The following PEX3 variants were observed in gnomAD, a reference collection of about 807,000 sequenced individuals.
The protein encoded by PEX3 is peroxin-3.
In PEX3, 30 loss-of-function variants were observed where a neutral mutation model predicts 55.8. That is an observed-to-expected ratio of 0.54 (90% CI 0.40 to 0.73). PEX3 has a LOEUF of 0.73. PEX3 is among the 30% of genes least tolerant of loss of function. The pLI is 0.00. For synonymous variants in PEX3, 135 were observed against 148.4 expected, an observed-to-expected ratio of 0.91 and a Z score of 0.66; for missense variants, 351 against 432.8, an observed-to-expected ratio of 0.81 and a Z score of 1.68.
Position 143,458,312 on chromosome 6 carries a change from A to G in PEX3, c.74-773A>G, listed in dbSNP as rs1182054453. ...ACCTATATTCTTATCCTGTGGTGTTAGAATTTAGGAGTTTCTGTACCCTCT... is the reference window on the plus strand; with the variant it reads ...ACCTATATTCTTATCCTGTGGTGTTGGAATTTAGGAGTTTCTGTACCCTCT... On this transcript the variant is annotated intron_variant, in intron 1 of 11. Transcript: ENST00000367591. The surrounding 1 kb of genome is among the most constrained non-coding windows in gnomAD (Gnocchi z 6.1). Among the ~76,000 whole-genome samples, 1 of 152,170 alleles carries G rather than the reference A, an allele frequency of 6.6e-6. No homozygotes were observed. Among genetic ancestry groups the G allele is most frequent in the Non-Finnish European group, 1.5e-5 (1 of 68,006 alleles).
chr6:143,478,323 G>A (rs181675392), intron 9 of PEX3, among the ~76,000 whole-genome samples: 4 of 152,242 alleles, frequency 2.6e-5, no homozygotes, highest in Admixed American at 6.5e-5. Context: ...GGATTGTAGC[G>A]ATAGTTGCAC....
At chr6:143,484,180 G>C (rs1780282683) in intron 10 of PEX3, among the ~76,000 whole-genome samples, 1 of 152,076 alleles carries the variant, frequency 6.6e-6, no homozygotes. Context: ...AATGAGTCTT[G>C]TTGTTTAAGT....
Position 143,454,616 on chromosome 6 carries a change from G to C in PEX3, c.73+3501G>C, listed in dbSNP as rs867035136. ...AAGGAATAAGACAGATCCTGACTTT[G>C]AACTCATGGTACAGAAATGGAAATA... On this transcript the variant is annotated intron_variant, in intron 1 of 11. Transcript: ENST00000367591. This position sits in a 1 kb window ranked among gnomAD's most constrained non-coding sequence, Gnocchi z 4.3. Among the ~76,000 whole-genome samples the C allele has an allele frequency of 2.2e-4, 34 of 152,296 alleles. 1 individual carries two copies. Among genetic ancestry groups the C allele is most frequent in the Middle Eastern group, 6.8e-3 (2 of 294 alleles).
rs1387714219 is a variant in PEX3 at position 143,451,115 on chromosome 6, G to A, written c.73G>A (p.Gly25Arg). ...KCIFLGTVLG[G>R]VYILGKYGQK... Reference sequence around the variant, plus strand: ...CATCTTCCTGGGCACGGTCCTTGGAGGTGGGTGACAACGTGCTTGAAAGGG... The same window carrying A: ...CATCTTCCTGGGCACGGTCCTTGGAAGTGGGTGACAACGTGCTTGAAAGGG... Residue 25 changes from glycine to arginine, a missense_variant and splice_region_variant, in exon 1 of 12, where the codon GGA (glycine) becomes AGA (arginine). Coordinates refer to ENST00000367591, the MANE Select transcript of PEX3 (RefSeq NM_003630.3). This position sits in a 1 kb window ranked among gnomAD's most constrained non-coding sequence, Gnocchi z 4.1. The A allele has an allele frequency of 6.2e-7, 1 of 1,609,086 alleles. No homozygotes were observed. The highest frequency in any genetic ancestry group is 8.5e-7 in the Non-Finnish European group (1 of 1,175,456).
Position 143,450,959 on chromosome 6 carries a change from T to C in PEX3, c.-84T>C. On this transcript the variant is annotated 5_prime_UTR_variant, in exon 1 of 12. Transcript: ENST00000367591. ...ACGGGACGACGGCGCTCTTGCTGGG[T>C]CATCTGGGCCAGGTGACGAAGAAAC... The C allele has an allele frequency of 9.8e-7, 1 of 1,024,876 alleles. No homozygotes were observed. The highest frequency in any genetic ancestry group is 1.3e-5 in the South Asian group (1 of 79,350). 63.5% of individuals were successfully genotyped at this position (1,024,876 alleles called of 1,614,324 possible).
Position 143,485,080 on chromosome 6 carries a change from C to A in PEX3, c.942-72C>A. 1 of 848,798 alleles carries A rather than the reference C, an allele frequency of 1.2e-6. No homozygotes were observed. Among genetic ancestry groups the A allele is most frequent in the Non-Finnish European group, 2.1e-6 (1 of 487,482 alleles). 52.6% of individuals were successfully genotyped at this position (848,798 alleles called of 1,614,324 possible). ...AATATTCTACAATGGCTATGTATTA[C>A]TTTTATAATTAAGATGTTAAAGTCC... On this transcript the variant is annotated intron_variant, in intron 10 of 11. Transcript: ENST00000367591. This position sits in a 1 kb window ranked among gnomAD's most constrained non-coding sequence, Gnocchi z 5.6.
Position 143,454,684 on chromosome 6 carries a change from G to GT in PEX3, c.73+3570dup, listed in dbSNP as rs952759911. Among the ~76,000 whole-genome samples the GT allele has an allele frequency of 1.3e-5, 2 of 152,224 alleles. No individual in the cohort carries two copies. Among genetic ancestry groups the GT allele is most frequent in the African/African-American group, 2.4e-5 (1 of 41,450 alleles). ...TAGTACAAAAATAGAGCAGGGTGTT[G>GT]TGGGAGCATTGATGAGAAGAAAGTG... On this transcript the variant is annotated intron_variant, in intron 1 of 11. Coordinates refer to ENST00000367591, the MANE Select transcript of PEX3 (RefSeq NM_003630.3). The surrounding 1 kb of genome is among the most constrained non-coding windows in gnomAD (Gnocchi z 4.3).
chr6:143,487,938 C>A lies in PEX3; in HGVS notation c.1039-1205C>A, dbSNP rs1239887010. ...AATAGTAGGTTATATATTTTATCTTCTCAATAATCAAGAGCGTGTTTGAGT... is the reference window on the plus strand; with the variant it reads ...AATAGTAGGTTATATATTTTATCTTATCAATAATCAAGAGCGTGTTTGAGT... On this transcript the variant is annotated intron_variant, in intron 11 of 11. Coordinates refer to ENST00000367591, the MANE Select transcript of PEX3 (RefSeq NM_003630.3). This position sits in a 1 kb window ranked among gnomAD's most constrained non-coding sequence, Gnocchi z 5.3. Among the ~76,000 whole-genome samples, 2 of 152,060 alleles carry A rather than the reference C, an allele frequency of 1.3e-5. No individual in the cohort carries two copies. The highest frequency in any genetic ancestry group is 2.9e-5 in the Non-Finnish European group (2 of 67,980).
At chr6:143,470,059 C>T (rs1454836334) in intron 4 of PEX3, among the ~76,000 whole-genome samples, 1 of 152,106 alleles carries the variant, frequency 6.6e-6, no homozygotes, top group Non-Finnish European at 1.5e-5. Flanking sequence ...AAGCGATTCT[C>T]TTGCCTTAGC....
At chr6:143,470,365 T>C (rs190070538) in intron 4 of PEX3, among the ~76,000 whole-genome samples, 4 of 152,332 alleles carry the variant, frequency 2.6e-5, no homozygotes, top group African/African-American at 9.6e-5. Context: ...TGTCTTCACC[T>C]AAGCAGGTCT....
rs1023690054 is a variant in PEX3 at position 143,483,635 on chromosome 6, G to A, written c.942-1517G>A. On this transcript the variant is annotated intron_variant, in intron 10 of 11. Transcript: ENST00000367591. The surrounding 1 kb of genome is among the most constrained non-coding windows in gnomAD (Gnocchi z 4.3). ...GAGAACACTGGAAGGCTGCTGGAGA[G>A]TTTTGAGCAGGAGAGTGATGTAATG... 6.6e-5 allele frequency among the ~76,000 whole-genome samples: 10 copies of A among 152,168 alleles called. No individual in the cohort carries two copies.
Position 143,486,669 on chromosome 6 carries a change from ACTTAT to A in PEX3, c.1038+1425_1038+1429del, listed in dbSNP as rs112965911. 0.011 allele frequency among the ~76,000 whole-genome samples: 1,684 copies of A among 152,238 alleles called. 28 individuals carry two copies. Among genetic ancestry groups the A allele is most frequent in the African/African-American group, 0.038 (1,571 of 41,548 alleles). ...AATTGTCATATGCTTTACTATTTCC[ACTTAT>A]CTTTTTATAAAGCCTTTGCCTTGAT... On this transcript the variant is annotated intron_variant, in intron 11 of 11. Transcript: ENST00000367591. The surrounding 1 kb of genome is among the most constrained non-coding windows in gnomAD (Gnocchi z 5.0).
Position 143,475,077 on chromosome 6 carries a change from C to T in PEX3, c.818+221C>T, listed in dbSNP as rs984643784. On this transcript the variant is annotated intron_variant, in intron 9 of 11. Coordinates refer to ENST00000367591, the MANE Select transcript of PEX3 (RefSeq NM_003630.3). This position sits in a 1 kb window ranked among gnomAD's most constrained non-coding sequence, Gnocchi z 4.4. ...TACTAACTCTACTATCTGAATTCATCGAGTTCCAGTCTTTTGTTTTTCCTC... is the reference window on the plus strand; with the variant it reads ...TACTAACTCTACTATCTGAATTCATTGAGTTCCAGTCTTTTGTTTTTCCTC... Among the ~76,000 whole-genome samples the T allele has an allele frequency of 6.6e-5, 10 of 152,204 alleles. No homozygotes were observed. Among genetic ancestry groups the T allele is most frequent in the Non-Finnish European group, 1.0e-4 (7 of 68,010 alleles).
At position 143,471,018 on chromosome 6, in the gene PEX3, G is replaced by A. The variant is rs758701470; in HGVS notation, c.389G>A (p.Arg130Gln). Residue 130 changes from arginine (R) to glutamine (Q), a missense_variant, in exon 5 of 12, where the codon CGG (arginine) becomes CAG (glutamine). Transcript: ENST00000367591. The surrounding 1 kb of genome is among the most constrained non-coding windows in gnomAD (Gnocchi z 5.4). Reference sequence around the variant, plus strand: ...ACCTGTATGCTGGTTGTTCTTTTGCGGGTCCAGTTAAACATAATTGGTGGA... The same window carrying A: ...ACCTGTATGCTGGTTGTTCTTTTGCAGGTCCAGTTAAACATAATTGGTGGA... ...YSTCMLVVLL[R>Q]VQLNIIGGYI... The A allele has an allele frequency of 3.7e-6, 6 of 1,612,692 alleles. No individual in the cohort carries two copies. The highest frequency in any genetic ancestry group is 1.7e-5 in the Admixed American group (1 of 60,020).
In PEX3 at chr6:143,451,722, C is replaced by T. The variant is rs909377897; in HGVS notation, c.73+607C>T. Among the ~76,000 whole-genome samples, 2 of 152,216 alleles carry T rather than the reference C, an allele frequency of 1.3e-5. No homozygotes were observed. Among genetic ancestry groups the T allele is most frequent in the Admixed American group, 6.5e-5 (1 of 15,290 alleles). ...AAATGCTTGAGGGATGTTGTGCAAT[C>T]TTCCTCAGGATCTTCAAGGTTGGGA... On this transcript the variant is annotated intron_variant, in intron 1 of 11. Transcript: ENST00000367591. The surrounding 1 kb of genome is among the most constrained non-coding windows in gnomAD (Gnocchi z 4.1).
At chr6:143,474,274 C>T (rs1780118850) in intron 8 of PEX3, among the ~76,000 whole-genome samples, 1 of 151,918 alleles carries the variant, frequency 6.6e-6, no homozygotes, top group Admixed American at 6.6e-5. Flanking sequence ...ATGGTGAAAC[C>T]CTGTCTCTAC....
chr6:143,474,986 C>A, intron 9 of PEX3, 130 bp downstream of exon 9: 1 of 551,888 alleles, frequency 1.8e-6, no homozygotes, highest in South Asian at 2.5e-5. Flanking sequence ...ACTCTGTTCC[C>A]CAGCCTTTAG....
rs948179297 is a variant in PEX3 at position 143,479,356 on chromosome 6, C to A, written c.941+158C>A. Among the ~76,000 whole-genome samples the A allele has an allele frequency of 1.3e-5, 2 of 152,116 alleles. No individual in the cohort carries two copies. Among genetic ancestry groups the A allele is most frequent in the African/African-American group, 4.8e-5 (2 of 41,456 alleles). ...GTTAAACCAACAACTTCTTCACTAG[C>A]AGAAGCTCCTTCTTGGTTTCAGTAT... is the stretch of plus-strand genomic sequence containing the variant. On this transcript the variant is annotated intron_variant, in intron 10 of 11. Transcript: ENST00000367591. The surrounding 1 kb of genome is among the most constrained non-coding windows in gnomAD (Gnocchi z 4.6).
chr6:143,459,475 C>T lies in PEX3; in HGVS notation c.205+259C>T, dbSNP rs968386394. 2.0e-5 allele frequency among the ~76,000 whole-genome samples: 3 copies of T among 152,172 alleles called. No individual in the cohort carries two copies. In the East Asian group the frequency reaches 5.8e-4, roughly 29 times the overall value. Reference sequence around the variant, plus strand: ...AACAACAACAACAAAAAGCCCCTGACCTTTGGAGTTTATATTCTAGGGAGA... The same window carrying T: ...AACAACAACAACAAAAAGCCCCTGATCTTTGGAGTTTATATTCTAGGGAGA... On this transcript the variant is annotated intron_variant, in intron 2 of 11. Coordinates refer to ENST00000367591, the MANE Select transcript of PEX3 (RefSeq NM_003630.3). This position sits in a 1 kb window ranked among gnomAD's most constrained non-coding sequence, Gnocchi z 4.2.
Sources: allele counts gnomAD v4.1 joint callset (sites outside exome capture counted in the v4.1 genomes callset), GRCh38; gene constraint gnomAD v4.1.1; non-coding constraint Gnocchi (gnomAD v3.1); transcripts MANE v1.5; gene names NCBI Gene and HGNC (gene_info 2026-07-23, HGNC 2026-07-21).